Variants in RAB33A observed in about 807,000 individuals in gnomAD.
RAB33A encodes the protein ras-related protein Rab-33A.
A neutral mutation model predicts 12.0 loss-of-function variants in RAB33A; 6 were observed. The ratio of observed to expected loss-of-function variants is 0.50; its 90% confidence interval spans 0.27 to 0.99. The LOEUF (loss-of-function observed/expected upper bound fraction) is 0.99, where lower values mean the gene tolerates loss of function less well. RAB33A is among the 50% of genes least tolerant of loss of function. RAB33A has a pLI of 0.11. For missense variants in RAB33A, 109 were observed against 192.0 expected (o/e 0.57, Z 2.55); for synonymous variants, 70 against 82.4 (o/e 0.85, Z 0.81).
At chrX:130,137,773 T>C in the RAB33A span, 4 of 998,425 alleles carry the variant, frequency 4.0e-6, no homozygotes, top group South Asian at 1.3e-4. Context: ...AAAGAAAGTA[T>C]TGCTGTTGGC....
At chrX:130,156,330 G>A in the RAB33A span, 1 of 861,161 alleles carries the variant, frequency 1.2e-6, no homozygotes, top group Non-Finnish European at 1.7e-6. Context: ...GCACTTAAGA[G>A]AAGGCTTTTT....
chrX:130,116,562 G>C, the RAB33A span, among the ~76,000 whole-genome samples: 2 of 112,277 alleles, frequency 1.8e-5, no homozygotes, highest in Non-Finnish European at 3.8e-5. Flanking sequence ...AAAGTGCTGG[G>C]ATTACAGGCG....
chrX:130,114,256 C>T, the RAB33A span, among the ~76,000 whole-genome samples: 1 of 112,021 alleles, frequency 8.9e-6, no homozygotes, highest in Admixed American at 9.4e-5. Flanking sequence ...TGTGGGAATC[C>T]CATAAGTTCC....
the RAB33A span, chrX:130,138,062 CAAAA>C: frequency 4.8e-4 from 19 of 39,935 alleles, no homozygotes; most frequent in South Asian, 2.8e-3. Flanking sequence ...AACTCCATCT[CAAAA>C]AAAAAAAAAA....
the RAB33A span, among the ~76,000 whole-genome samples, chrX:130,150,386 A>G: frequency 1.4e-5 from 1 of 73,740 alleles, no homozygotes; most frequent in East Asian, 4.6e-4. Flanking sequence ...CCCAGGCTGG[A>G]GTGCAGTGGC....
At chrX:130,183,536 C>T (rs1048807239) in intron 1 of RAB33A, among the ~76,000 whole-genome samples, 4 of 108,930 alleles carry the variant, frequency 3.7e-5, no homozygotes, top group Admixed American at 1.9e-4. Flanking sequence ...GCCTGGGTGA[C>T]AGAGCGAGAC....
At chrX:130,159,477 G>A in the RAB33A span, among the ~76,000 whole-genome samples, 1 of 111,870 alleles carries the variant, frequency 8.9e-6, no homozygotes, top group Admixed American at 9.5e-5. Context: ...TGAACCATCA[G>A]AAGTAGAAAG....
chrX:130,163,304 CAAAAAAAA>C, the RAB33A span, among the ~76,000 whole-genome samples: 1 of 66,847 alleles, frequency 1.5e-5, no homozygotes, highest in East Asian at 6.5e-4. Flanking sequence ...GACTCCGCCT[CAAAAAAAA>C]AAAAAAAAAA....
chrX:130,165,796 G>C, the RAB33A span: 109 of 569,169 alleles, frequency 1.9e-4, no homozygotes, highest in East Asian at 1.8e-3. Context: ...GCTCCGGGTG[G>C]GCATTGGACA....
rs2031763120 is a variant in RAB33A, at chrX:130,184,347, C to T, written c.321C>T (p.Tyr107=). ...RFRKSMVEHY[Y]RNVHAVVFVY... ...GCAAAAGCATGGTCGAGCATTACTA[C>T]CGCAACGTACATGCCGTGGTCTTCG... Residue 107 remains tyrosine, a synonymous_variant, in exon 2 of 2, where the codon TAC becomes TAT. Coordinates refer to ENST00000257017, the MANE Select transcript of RAB33A (RefSeq NM_004794.3). 2 of 1,210,595 alleles carry T rather than the reference C, an allele frequency of 1.7e-6. No homozygotes were observed. The highest frequency in any genetic ancestry group is 2.2e-5 in the Admixed American group (1 of 45,759).
chrX:130,182,888 G>A (rs1458067319), intron 1 of RAB33A, among the ~76,000 whole-genome samples: 1 of 111,554 alleles, frequency 9.0e-6, no homozygotes, highest in Non-Finnish European at 1.9e-5. Context: ...ATATCCCACT[G>A]TACGGATATA....
At chrX:130,147,674 C>T in the RAB33A span, 1 of 1,211,571 alleles carries the variant, frequency 8.3e-7, no homozygotes, top group African/African-American at 1.7e-5. Flanking sequence ...ATTTAAGGGG[C>T]AAATGTCAAA....
the RAB33A span, chrX:130,136,261 A>T: frequency 3.0e-5 from 33 of 1,105,683 alleles, no homozygotes; most frequent in Non-Finnish European, 3.9e-5. Context: ...ATGGCCCTTC[A>T]TGCCATTAAG....
the RAB33A span, chrX:130,133,259 T>C: frequency 1.4e-5 from 17 of 1,193,085 alleles, no homozygotes; most frequent in Non-Finnish European, 1.1e-6. Flanking sequence ...TGTGTTATGG[T>C]CCTAGAGATA....
chrX:130,127,557 GCAAGA>G, the RAB33A span, among the ~76,000 whole-genome samples: 2 of 110,267 alleles, frequency 1.8e-5, no homozygotes, highest in Non-Finnish European at 3.8e-5. Context: ...CAACACTAAA[GCAAGA>G]CAAATCACAA....
intron 1 of RAB33A, among the ~76,000 whole-genome samples, chrX:130,179,105 G>A (rs2031695445): frequency 2.7e-5 from 3 of 110,324 alleles, no homozygotes; most frequent in South Asian, 7.7e-4. Context: ...CGACAGACAC[G>A]TCTGCAAAGA....
the RAB33A span, chrX:130,139,911 A>G: frequency 9.0e-7 from 1 of 1,108,328 alleles, no homozygotes. Flanking sequence ...CCCAACAAGC[A>G]GGAGCCAGCC....
chrX:130,114,314 G>A, the RAB33A span, among the ~76,000 whole-genome samples: 9 of 111,602 alleles, frequency 8.1e-5, no homozygotes, highest in Non-Finnish European at 1.3e-4. Context: ...TGATCTGCGC[G>A]TTGCAGCCAA....
the RAB33A span, among the ~76,000 whole-genome samples, chrX:130,153,332 G>A: frequency 4.1e-4 from 35 of 85,514 alleles, no homozygotes; most frequent in East Asian, 4.0e-3. Flanking sequence ...CAGCCTGGGC[G>A]ACACAGAGAG....
Sources: gnomAD v4.1 joint callset for allele counts (sites outside exome capture counted in the v4.1 genomes callset) on GRCh38, gnomAD v4.1.1 for gene constraint, MANE v1.5 for transcripts, NCBI Gene and HGNC (gene_info 2026-07-23, HGNC 2026-07-21) for gene names.